Variants in CNTNAP5 observed in about 807,000 individuals in gnomAD.
CNTNAP5 encodes the protein contactin associated protein family member 5, also known as contactin-associated protein-like 5.
CNTNAP5 carries 72 observed loss-of-function variants against 150.2 expected under a neutral mutation model. The ratio of observed to expected loss-of-function variants is 0.48; its 90% CI spans 0.40 to 0.58. CNTNAP5 has a LOEUF of 0.58. CNTNAP5 is among the 20% of genes least tolerant of loss of function. The pLI is 0.00. For synonymous variants in CNTNAP5, 672 were observed against 619.8 expected (o/e 1.08, Z -1.25); for missense variants, 1,636 against 1,626.2 (o/e 1.01, Z -0.10).
chr2:124,776,736 C>A (rs1461950797), intron 17 of CNTNAP5, among the ~76,000 whole-genome samples: 1 of 152,104 alleles, frequency 6.6e-6, no homozygotes, highest in Admixed American at 6.6e-5. Flanking sequence ...ATATTCTCTT[C>A]ACATTGAGAA....
intron 1 of CNTNAP5, among the ~76,000 whole-genome samples, chr2:124,103,723 T>A (rs1683112365): frequency 6.6e-6 from 1 of 151,688 alleles, no homozygotes; most frequent in Non-Finnish European, 1.5e-5. Context: ...GATGTTCAAT[T>A]ACAAAATCAC....
chr2:124,688,808 G>C (rs1573548919), intron 13 of CNTNAP5, among the ~76,000 whole-genome samples: 1 of 151,894 alleles, frequency 6.6e-6, no homozygotes, highest in African/African-American at 2.4e-5. Context: ...ATTATTACAG[G>C]GTGAGACTAT....
intron 19 of CNTNAP5, among the ~76,000 whole-genome samples, chr2:124,855,130 A>G: frequency 7.0e-6 from 1 of 143,622 alleles, no homozygotes; most frequent in Non-Finnish European, 1.5e-5. Context: ...AAGAAGTTGG[A>G]CTTTCTCATA....
At chr2:124,538,444 C>T (rs1695292332) in intron 10 of CNTNAP5, among the ~76,000 whole-genome samples, 1 of 151,636 alleles carries the variant, frequency 6.6e-6, no homozygotes, top group Admixed American at 6.6e-5. Context: ...TGCCACTGCA[C>T]TCCAGCCTGG....
intron 3 of CNTNAP5, among the ~76,000 whole-genome samples, chr2:124,316,938 C>T (rs1290065860): frequency 6.6e-6 from 1 of 150,908 alleles, no homozygotes; most frequent in African/African-American, 2.4e-5. Flanking sequence ...ACAAAAAAAA[C>T]TGTATGAGGT....
chr2:124,342,676 G>A (rs960112886), intron 3 of CNTNAP5, among the ~76,000 whole-genome samples: 1 of 152,042 alleles, frequency 6.6e-6, no homozygotes, highest in Non-Finnish European at 1.5e-5. Flanking sequence ...AATTTTGGAG[G>A]GATCAATCAG....
chr2:124,551,677 T>C (rs72968797), intron 10 of CNTNAP5, among the ~76,000 whole-genome samples: 1 of 152,122 alleles, frequency 6.6e-6, no homozygotes, highest in South Asian at 2.1e-4. Context: ...GAGAATTCTT[T>C]AAAAGGGAGG....
intron 1 of CNTNAP5, among the ~76,000 whole-genome samples, chr2:124,087,721 C>T (rs1408777959): frequency 6.6e-6 from 1 of 151,532 alleles, no homozygotes. Flanking sequence ...GATTCCATCT[C>T]CAAAAACAAA....
intron 3 of CNTNAP5, among the ~76,000 whole-genome samples, chr2:124,332,877 T>C (rs979079470): frequency 2.0e-5 from 3 of 152,176 alleles, no homozygotes; most frequent in Non-Finnish European, 4.4e-5. Flanking sequence ...CAAGTAATGT[T>C]ATTTTTATTT....
chr2:124,121,846 G>A (rs1683569489), intron 1 of CNTNAP5, among the ~76,000 whole-genome samples: 1 of 152,110 alleles, frequency 6.6e-6, no homozygotes, highest in Admixed American at 6.5e-5. Context: ...AAACAATTTA[G>A]CACTTAACGC....
intron 1 of CNTNAP5, among the ~76,000 whole-genome samples, chr2:124,147,007 C>G (rs1398609123): frequency 6.6e-6 from 1 of 152,048 alleles, no homozygotes; most frequent in Non-Finnish European, 1.5e-5. Context: ...AATAAACATA[C>G]AAAGTACATG....
At chr2:124,781,647 G>A (rs968540781) in intron 17 of CNTNAP5, among the ~76,000 whole-genome samples, 3 of 152,072 alleles carry the variant, frequency 2.0e-5, no homozygotes, top group Admixed American at 6.5e-5. Context: ...TCTATTTGGG[G>A]TACTCAACGT....
intron 3 of CNTNAP5, among the ~76,000 whole-genome samples, chr2:124,332,946 T>C (rs994400966): frequency 2.0e-5 from 3 of 152,192 alleles, no homozygotes; most frequent in Admixed American, 6.5e-5. Context: ...TTTTTATTTA[T>C]AAATGCTCAT....
At position 124,882,801 on chromosome 2, in the gene CNTNAP5, G is replaced by A. The variant is rs1573685531; in HGVS notation, c.3436+13039G>A. On this transcript the variant is annotated intron_variant, in intron 21 of 23. Transcript: ENST00000682447. ...ACTCACAGTTCCACGTGGCTGGGGA[G>A]GCCTCACAATCATAGCAGAAGGTGA... 5.9e-5 allele frequency among the ~76,000 whole-genome samples: 9 copies of A among 152,136 alleles called. No individual in the cohort carries two copies. In the South Asian group the frequency reaches 1.7e-3, roughly 28 times the overall value.
intron 13 of CNTNAP5, among the ~76,000 whole-genome samples, chr2:124,658,561 T>C (rs1678507360): frequency 1.3e-5 from 2 of 151,742 alleles, no homozygotes; most frequent in African/African-American, 4.8e-5. Flanking sequence ...AGTTATGTAA[T>C]AGGTGATATT....
At chr2:124,862,187 G>A (rs1218547672) in intron 19 of CNTNAP5, among the ~76,000 whole-genome samples, 1 of 152,122 alleles carries the variant, frequency 6.6e-6, no homozygotes, top group Non-Finnish European at 1.5e-5. Context: ...TCCACATTGT[G>A]AACATCTTAT....
At chr2:124,531,758 A>T (rs1475082708) in intron 10 of CNTNAP5, among the ~76,000 whole-genome samples, 13 of 152,206 alleles carry the variant, frequency 8.5e-5, no homozygotes, top group Non-Finnish European at 1.8e-4. Context: ...TGGAAAAGGC[A>T]GTCACTCTGT....
intron 1 of CNTNAP5, among the ~76,000 whole-genome samples, chr2:124,105,183 T>G (rs1260299543): frequency 6.6e-6 from 1 of 152,186 alleles, no homozygotes; most frequent in Non-Finnish European, 1.5e-5. Flanking sequence ...ACTTCATTCC[T>G]TTTGAGGATG....
chr2:124,729,219 C>T (rs1193040140), intron 13 of CNTNAP5, among the ~76,000 whole-genome samples: 1 of 151,984 alleles, frequency 6.6e-6, no homozygotes, highest in African/African-American at 2.4e-5. Flanking sequence ...TTCAGGACCT[C>T]CTTTGAAATG....
Sources: gnomAD v4.1 joint callset for allele counts (sites outside exome capture counted in the v4.1 genomes callset) on GRCh38, gnomAD v4.1.1 for gene constraint, MANE v1.5 for transcripts, NCBI Gene and HGNC (gene_info 2026-07-23, HGNC 2026-07-21) for gene names.